Variants in COMMD7 observed in about 807,000 individuals in gnomAD.
COMMD7 encodes COMM domain-containing protein 7.
Under a neutral mutation model 34.8 loss-of-function variants are expected in COMMD7, and 28 were observed. That is an observed-to-expected ratio of 0.80 (90% CI 0.60 to 1.10). COMMD7 has a LOEUF of 1.10. COMMD7 is among the 50% of genes least tolerant of loss of function. The probability of loss-of-function intolerance (pLI) is 0.00; values close to 1 mark genes in which losing one functional copy is unlikely to be tolerated. For missense variants in COMMD7, 211 were observed against 241.6 expected, an observed-to-expected ratio of 0.87 and a Z score of 0.84; for synonymous variants, 80 against 86.4, an observed-to-expected ratio of 0.93 and a Z score of 0.41.
At chr20:32,718,097 A>T (rs1984915671) in intron 3 of COMMD7, among the ~76,000 whole-genome samples, 1 of 151,924 alleles carries the variant, frequency 6.6e-6, no homozygotes, top group Non-Finnish European at 1.5e-5. Flanking sequence ...TCAAAAAAAA[A>T]AAAAAATCAA....
At position 32,716,859 on chromosome 20, in the gene COMMD7, C is replaced by CT. The variant is rs34687680; in HGVS notation, c.242-10100dup. Among the ~76,000 whole-genome samples the CT allele has an allele frequency of 6.1e-3, 890 of 146,796 alleles. 4 individuals are homozygous for CT. The highest frequency in any genetic ancestry group is 0.017 in the African/African-American group (685 of 40,026). Reference sequence around the variant, plus strand: ...AATCAATCTGGCCATGGGTTAGTAACTTTTTTTTTTTTTTCATAATATGGA... The same window carrying CT: ...AATCAATCTGGCCATGGGTTAGTAACTTTTTTTTTTTTTTTCATAATATGGA... On this transcript the variant is annotated intron_variant, in intron 3 of 8. Coordinates refer to ENST00000278980, the MANE Select transcript of COMMD7 (RefSeq NM_053041.3).
At chr20:32,726,523 G>A (rs967443409) in intron 3 of COMMD7, among the ~76,000 whole-genome samples, 1 of 152,078 alleles carries the variant, frequency 6.6e-6, no homozygotes, top group Admixed American at 6.6e-5. Flanking sequence ...CCAACATGGT[G>A]AAACCCTGTC....
At chr20:32,741,158 C>CA (rs34360055) in intron 1 of COMMD7, among the ~76,000 whole-genome samples, 128 of 149,524 alleles carry the variant, frequency 8.6e-4, no homozygotes, top group East Asian at 3.4e-3. Flanking sequence ...AACAAACAAA[C>CA]AAAAAAAAAC....
intron 1 of COMMD7, among the ~76,000 whole-genome samples, chr20:32,740,988 C>CA (rs1473214216): frequency 6.6e-6 from 1 of 151,708 alleles, no homozygotes; most frequent in African/African-American, 2.4e-5. Flanking sequence ...ACTAAAAATA[C>CA]AAAAATTAGC....
chr20:32,736,800 G>T (rs1986149214), intron 1 of COMMD7, among the ~76,000 whole-genome samples: 1 of 152,170 alleles, frequency 6.6e-6, no homozygotes, highest in Non-Finnish European at 1.5e-5. Flanking sequence ...CAGCAATTTG[G>T]GAAGCCACAG....
intron 1 of COMMD7, among the ~76,000 whole-genome samples, chr20:32,728,845 C>T (rs1039564952): frequency 6.6e-6 from 1 of 152,042 alleles, no homozygotes; most frequent in African/African-American, 2.4e-5. Context: ...GAATTATAGG[C>T]ATAAGCCATG....
chr20:32,738,965 A>T (rs756836979), intron 1 of COMMD7, among the ~76,000 whole-genome samples: 12 of 152,164 alleles, frequency 7.9e-5, no homozygotes, highest in Non-Finnish European at 1.8e-4. Flanking sequence ...TCCTGTCTAC[A>T]TGACTTTAAA....
intron 6 of COMMD7, 21 bp from the exon 7 acceptor site, chr20:32,704,510 A>AAAG (rs1983943541): frequency 2.6e-6 from 3 of 1,133,616 alleles, no homozygotes; most frequent in East Asian, 3.2e-5. Flanking sequence ...AAAAAAAAAA[A>AAAG]AGAGAGAGAG....
chr20:32,735,027 C>T (rs1986061043), intron 1 of COMMD7, among the ~76,000 whole-genome samples: 1 of 151,932 alleles, frequency 6.6e-6, no homozygotes, highest in African/African-American at 2.4e-5. Flanking sequence ...CACCTTTGGT[C>T]AGGAGTTCAA....
chr20:32,740,169 C>T (rs6087414), intron 1 of COMMD7, among the ~76,000 whole-genome samples: 2 of 136,406 alleles, frequency 1.5e-5, no homozygotes, highest in Non-Finnish European at 3.2e-5. Flanking sequence ...TATAAAAAAT[C>T]AGCCGGGCAT....
chr20:32,726,643 C>T (rs1398505765), intron 3 of COMMD7, among the ~76,000 whole-genome samples: 3 of 152,098 alleles, frequency 2.0e-5, no homozygotes, highest in African/African-American at 4.8e-5. Context: ...GTGGAGGTTG[C>T]GGTGAGCCAA....
intron 1 of COMMD7, among the ~76,000 whole-genome samples, chr20:32,732,177 G>A (rs1005735404): frequency 7.2e-5 from 11 of 152,068 alleles, no homozygotes; most frequent in Non-Finnish European, 1.0e-4. Context: ...CCAACCTCTT[G>A]GGTTCAAAGC....
chr20:32,706,903 TG>T, intron 3 of COMMD7, 143 bp from the exon 4 acceptor site: 2 of 642,184 alleles, frequency 3.1e-6, no homozygotes, highest in Middle Eastern at 3.5e-4. Context: ...AATCCAGCCA[TG>T]GGGAAATAGC....
intron 6 of COMMD7, 68 bp downstream of exon 6, chr20:32,704,746 T>C (rs1245445999): frequency 2.1e-5 from 24 of 1,157,444 alleles, no homozygotes; most frequent in Non-Finnish European, 2.9e-5. Context: ...CCATAGTGGC[T>C]GTGTCACAGC....
intron 1 of COMMD7, among the ~76,000 whole-genome samples, chr20:32,731,653 A>G (rs111394808): frequency 1.7e-4 from 26 of 152,342 alleles, no homozygotes; most frequent in Middle Eastern, 3.4e-3. Flanking sequence ...GATAAGGAAC[A>G]CAAACATGTC....
chr20:32,717,166 G>A (rs1455054296), intron 3 of COMMD7, among the ~76,000 whole-genome samples: 1 of 151,562 alleles, frequency 6.6e-6, no homozygotes, highest in Non-Finnish European at 1.5e-5. Flanking sequence ...TCTTTGGTTT[G>A]TTTTTTAGAG....
intron 1 of COMMD7, among the ~76,000 whole-genome samples, chr20:32,741,523 C>T (rs759487893): frequency 9.9e-5 from 15 of 151,766 alleles, no homozygotes; most frequent in Non-Finnish European, 1.8e-4. Flanking sequence ...CCAGAGTAGC[C>T]GGGACTACAA....
Position 32,709,356 on chromosome 20 carries a change from C to T in COMMD7, c.242-2596G>A, listed in dbSNP as rs191984258. On this transcript the variant is annotated intron_variant, in intron 3 of 8. Coordinates refer to ENST00000278980, the MANE Select transcript of COMMD7 (RefSeq NM_053041.3). The stretch of plus-strand genomic sequence containing the variant: ...AGGCTGAGGGTGCAGTGAGCAGAGA[C>T]GGCACCACTGCATTACAGCCTGGCA... 3.3e-3 allele frequency among the ~76,000 whole-genome samples: 492 copies of T among 151,002 alleles called. 1 individual carries two copies. The highest frequency in any genetic ancestry group is 0.012 in the African/African-American group (478 of 41,126).
chr20:32,722,816 T>C (rs1985253038), intron 3 of COMMD7, among the ~76,000 whole-genome samples: 1 of 149,634 alleles, frequency 6.7e-6, no homozygotes, highest in Admixed American at 6.7e-5. Context: ...GGTCAAGAGA[T>C]CGAGACCATC....
Sources: gnomAD v4.1 joint callset for allele counts (sites outside exome capture counted in the v4.1 genomes callset) on GRCh38, gnomAD v4.1.1 for gene constraint, MANE v1.5 for transcripts, NCBI Gene and HGNC (gene_info 2026-07-23, HGNC 2026-07-21) for gene names.